Variants in RANBP10 observed in about 807,000 individuals in gnomAD.
RANBP10 encodes the protein RAN binding protein 10, also known as ran-binding protein 10.
Under a neutral mutation model 72.8 loss-of-function variants are expected in RANBP10, and 24 were observed. That is an observed-to-expected ratio of 0.33 (90% CI 0.24 to 0.46). The LOEUF is 0.46. RANBP10 is among the 20% of genes least tolerant of loss of function. The pLI, the probability that RANBP10 is intolerant of heterozygous loss-of-function variation, is 1.00. For synonymous variants in RANBP10, 310 were observed against 322.3 expected (o/e 0.96, Z 0.41); for missense variants, 679 against 817.5 (o/e 0.83, Z 2.07).
rs1353314457 is a variant in RANBP10 at position 67,789,031 on chromosome 16, C to T, written c.347+16397G>A. Among the ~76,000 whole-genome samples the T allele has an allele frequency of 4.1e-5, 6 of 147,476 alleles. 1 individual carries two copies. Among genetic ancestry groups the T allele is most frequent in the African/African-American group, 1.3e-4 (5 of 39,440 alleles). ...AAAAAAAAAAATTATCCAGGCAGGCCGGGCACAGTGGCTCACGCCTATAAT... is the reference window on the plus strand; with the variant it reads ...AAAAAAAAAAATTATCCAGGCAGGCTGGGCACAGTGGCTCACGCCTATAAT... On this transcript the variant is annotated intron_variant, in intron 2 of 13. Coordinates refer to ENST00000317506, the MANE Select transcript of RANBP10 (RefSeq NM_020850.3).
chr16:67,764,366 G>A (rs1022175342), intron 3 of RANBP10, among the ~76,000 whole-genome samples: 3 of 152,076 alleles, frequency 2.0e-5, no homozygotes, highest in African/African-American at 7.2e-5. Flanking sequence ...CTCAGATAAG[G>A]GCCGCTTAAC....
chr16:67,735,048 G>A lies in RANBP10; in HGVS notation c.592-6C>T, dbSNP rs1166496479. ...ACGGTGGGGTAGAGGTTGGCCTGAG[G>A]AGGAGAATGAAATGTCAGTCAGGCC... On this transcript the variant is annotated splice_polypyrimidine_tract_variant and splice_region_variant and intron_variant, in intron 5 of 13. Coordinates refer to ENST00000317506, the MANE Select transcript of RANBP10 (RefSeq NM_020850.3). 6.3e-7 allele frequency: 1 copy of A among 1,582,236 alleles called. No individual in the cohort carries two copies. The highest frequency in any genetic ancestry group is 1.3e-5 in the African/African-American group (1 of 74,320).
intron 4 of RANBP10, among the ~76,000 whole-genome samples, chr16:67,741,258 T>C (rs1053979135): frequency 3.9e-5 from 6 of 152,166 alleles, no homozygotes; most frequent in Non-Finnish European, 7.3e-5. Flanking sequence ...GGGGATGACC[T>C]ACCCAGGCTT....
intron 3 of RANBP10, among the ~76,000 whole-genome samples, chr16:67,754,166 G>T (rs1009428279): frequency 1.3e-5 from 2 of 151,932 alleles, no homozygotes; most frequent in Admixed American, 1.3e-4. Flanking sequence ...AAGGAAGATG[G>T]GTGGAAGGAA....
chr16:67,776,771 C>CAA (rs1183736504), intron 2 of RANBP10, among the ~76,000 whole-genome samples: 1 of 73,330 alleles, frequency 1.4e-5, no homozygotes, highest in African/African-American at 5.2e-5. Flanking sequence ...GACTTTGTCT[C>CAA]AAAAAAAAAA....
At chr16:67,753,748 C>A (rs1484994677) in intron 3 of RANBP10, among the ~76,000 whole-genome samples, 1 of 152,048 alleles carries the variant, frequency 6.6e-6, no homozygotes, top group African/African-American at 2.4e-5. Context: ...GGGCAGGACT[C>A]GCCAGGTGTG....
intron 6 of RANBP10, among the ~76,000 whole-genome samples, chr16:67,732,540 T>C (rs1367894260): frequency 6.6e-6 from 1 of 152,172 alleles, no homozygotes; most frequent in African/African-American, 2.4e-5. Context: ...AATGAGATAA[T>C]ACACATAAAG....
At chr16:67,757,516 T>G (rs538657562) in intron 3 of RANBP10, among the ~76,000 whole-genome samples, 1 of 152,250 alleles carries the variant, frequency 6.6e-6, no homozygotes, top group African/African-American at 2.4e-5. Flanking sequence ...TGGGGCCGTG[T>G]CCAGGTACAT....
chr16:67,756,317 C>G (rs2054284655), intron 3 of RANBP10, among the ~76,000 whole-genome samples: 1 of 152,228 alleles, frequency 6.6e-6, no homozygotes, highest in South Asian at 2.1e-4. Flanking sequence ...TCCTCAGAAG[C>G]CGCAAGTTAG....
chr16:67,762,209 G>C (rs2054409218), intron 3 of RANBP10, among the ~76,000 whole-genome samples: 1 of 152,130 alleles, frequency 6.6e-6, no homozygotes. Context: ...AGGTTACAAG[G>C]GAGCTATGAT....
intron 2 of RANBP10, among the ~76,000 whole-genome samples, chr16:67,785,995 T>C (rs184834695): frequency 1.3e-5 from 2 of 148,844 alleles, no homozygotes; most frequent in African/African-American, 5.0e-5. Flanking sequence ...CGAGACTCCA[T>C]CTCAAAAAAA....
chr16:67,726,650 A>G, intron 13 of RANBP10, 92 bp from the exon 14 acceptor site: 2 of 1,408,934 alleles, frequency 1.4e-6, no homozygotes, highest in Non-Finnish European at 1.9e-6. Flanking sequence ...GGGGCAGTGG[A>G]CAGATTCTCT....
At chr16:67,735,087 G>A in intron 5 of RANBP10, 45 bp from the exon 6 acceptor site, 4 of 1,513,876 alleles carry the variant, frequency 2.6e-6, no homozygotes, top group Non-Finnish European at 3.6e-6. Flanking sequence ...AGGGCAGTGG[G>A]GTTCTAAGGC....
chr16:67,785,842 C>T (rs556803011), intron 2 of RANBP10, among the ~76,000 whole-genome samples: 22 of 150,074 alleles, frequency 1.5e-4, no homozygotes, highest in Non-Finnish European at 2.4e-4. Context: ...CTGGCTAAAA[C>T]GGTGAAACCC....
At position 67,724,510 on chromosome 16, in the gene RANBP10, GC is replaced by G. The variant is rs2142999508; in HGVS notation, c.*1917del. On this transcript the variant is annotated 3_prime_UTR_variant, in exon 14 of 14. Transcript: ENST00000317506. ...AACTTCTGGGTTTGGGAGCTAGGTA[GC>G]CCCAGGCTGTCACAAGAGATGAATT... The G allele has an allele frequency of 6.6e-6, 1 of 152,342 alleles. No individual in the cohort carries two copies. The highest frequency in any genetic ancestry group is 1.9e-4 in the East Asian group (1 of 5,178). The allele number at this position is 152,342 out of a possible 1,614,324, so 9.4% of individuals were successfully genotyped here.
intron 3 of RANBP10, among the ~76,000 whole-genome samples, chr16:67,751,342 G>A (rs2054192053): frequency 1.3e-5 from 2 of 152,172 alleles, no homozygotes; most frequent in Admixed American, 1.3e-4. Flanking sequence ...GACAAAACGA[G>A]CACAGAATTT....
At chr16:67,736,809 G>A (rs1025271679) in intron 5 of RANBP10, among the ~76,000 whole-genome samples, 2 of 152,220 alleles carry the variant, frequency 1.3e-5, no homozygotes, top group African/African-American at 4.8e-5. Flanking sequence ...TTCCAGGTAA[G>A]AGGGAAGGAT....
At chr16:67,735,283 A>G (rs564026975) in intron 5 of RANBP10, among the ~76,000 whole-genome samples, 1 of 152,362 alleles carries the variant, frequency 6.6e-6, no homozygotes, top group East Asian at 1.9e-4. Flanking sequence ...CCTGCCCTGT[A>G]TCAGAGGCCA....
intron 2 of RANBP10, among the ~76,000 whole-genome samples, chr16:67,790,786 G>A (rs1017579683): frequency 2.6e-5 from 4 of 151,534 alleles, no homozygotes; most frequent in South Asian, 2.1e-4. Context: ...TGCAACCTCC[G>A]CCTCCCAGAT....
Sources: gnomAD v4.1 joint callset for allele counts (sites outside exome capture counted in the v4.1 genomes callset) on GRCh38, gnomAD v4.1.1 for gene constraint, MANE v1.5 for transcripts, NCBI Gene and HGNC (gene_info 2026-07-23, HGNC 2026-07-21) for gene names.